VRK2: variants seen among roughly 807,000 people sequenced by gnomAD.
VRK2 encodes VRK serine/threonine kinase 2.
In VRK2, 60 loss-of-function variants were observed where a neutral mutation model predicts 57.6. The ratio of observed to expected loss-of-function variants is 1.04; its 90% confidence interval spans 0.85 to 1.29. The LOEUF (loss-of-function observed/expected upper bound fraction) is 1.29. VRK2 is among the 50% of genes most tolerant of loss of function. VRK2 has a pLI of 0.00. For missense variants in VRK2, 705 were observed against 588.1 expected (o/e 1.20, Z -2.06); for synonymous variants, 231 against 199.2 (o/e 1.16, Z -1.35).
intron 1 of VRK2, among the ~76,000 whole-genome samples, chr2:58,010,102 G>T (rs1673375439): frequency 6.6e-6 from 1 of 152,060 alleles, no homozygotes; most frequent in Admixed American, 6.6e-5. Flanking sequence ...TCCACTACCT[G>T]GCTCCTTTAC....
chr2:58,130,991 G>A (rs1411166437), intron 8 of VRK2, among the ~76,000 whole-genome samples: 1 of 151,772 alleles, frequency 6.6e-6, no homozygotes, highest in African/African-American at 2.4e-5. Context: ...TATGAAATTA[G>A]ACTACAGCAT....
rs916692907 is a variant in VRK2, at chr2:57,926,905, T to C, written c.-439+19066T>C. Among the ~76,000 whole-genome samples the C allele has an allele frequency of 2.6e-5, 4 of 151,936 alleles. No individual in the cohort carries two copies. The South Asian group carries it at 8.3e-4, about 32-fold the overall frequency. ...GACTTAATCCTACCATTTTGTTATT[T>C]GTTTTCCAGTTGTTTTGTAGACTTC... On this transcript the variant is annotated intron_variant, in intron 1 of 15. Transcript: ENST00000417641.
intron 3 of VRK2, among the ~76,000 whole-genome samples, chr2:58,034,904 C>T (rs1395165902): frequency 6.6e-6 from 1 of 151,930 alleles, no homozygotes; most frequent in African/African-American, 2.4e-5. Flanking sequence ...AGGTCATTGC[C>T]CCATGAGGAC....
At chr2:57,931,500 T>C (rs1670722788) in intron 1 of VRK2, among the ~76,000 whole-genome samples, 1 of 152,216 alleles carries the variant, frequency 6.6e-6, no homozygotes. Flanking sequence ...ATGAGTTCTC[T>C]AGATATTCTG....
intron 1 of VRK2, among the ~76,000 whole-genome samples, chr2:58,020,954 A>C (rs1166725651): frequency 6.6e-6 from 1 of 152,168 alleles, no homozygotes; most frequent in Non-Finnish European, 1.5e-5. Context: ...TAAGTTTTTG[A>C]TGTTTTAAAA....
At chr2:57,993,778 A>C (rs1170710468) in intron 1 of VRK2, among the ~76,000 whole-genome samples, 1 of 152,206 alleles carries the variant, frequency 6.6e-6, no homozygotes, top group East Asian at 1.9e-4. Flanking sequence ...TTATGGCACT[A>C]GCAGCTCTTT....
At chr2:57,958,447 T>A (rs570654974) in intron 1 of VRK2, among the ~76,000 whole-genome samples, 3 of 142,006 alleles carry the variant, frequency 2.1e-5, no homozygotes, top group East Asian at 3.9e-4. Flanking sequence ...GTATATATAT[T>A]TGTATATATA....
chr2:58,034,071 T>C (rs1674199403), intron 3 of VRK2, among the ~76,000 whole-genome samples: 2 of 152,064 alleles, frequency 1.3e-5, no homozygotes, highest in East Asian at 1.9e-4. Flanking sequence ...TAGTAACTAC[T>C]TGCCACCTCT....
At position 58,131,740 on chromosome 2, in the gene VRK2, C is replaced by T. The variant is rs1679218179; in HGVS notation, c.677-68C>T. 7.4e-6 allele frequency: 11 copies of T among 1,481,346 alleles called. 1 individual carries two copies. Among genetic ancestry groups the T allele is most frequent in the Non-Finnish European group, 9.9e-6 (11 of 1,114,210 alleles). The allele number at this position is 1,481,346 out of a possible 1,614,324, so 91.8% of individuals were successfully genotyped here. Reference sequence around the variant, plus strand: ...CATATTTCATCAGTAGTAGTTCAACCAAAGATTTCTCCATTTCTCAAGGAC... The same window carrying T: ...CATATTTCATCAGTAGTAGTTCAACTAAAGATTTCTCCATTTCTCAAGGAC... On this transcript the variant is annotated intron_variant, in intron 8 of 12. Coordinates refer to ENST00000340157, the MANE Select transcript of VRK2 (RefSeq NM_006296.7).
At chr2:57,979,597 A>G (rs1216815451) in intron 1 of VRK2, among the ~76,000 whole-genome samples, 2 of 145,050 alleles carry the variant, frequency 1.4e-5, no homozygotes, top group African/African-American at 5.8e-5. Context: ...TTTTTGGAAT[A>G]ATTTAACCCC....
At chr2:58,137,147 A>G (rs1280559711) in intron 10 of VRK2, among the ~76,000 whole-genome samples, 5 of 37,306 alleles carry the variant, frequency 1.3e-4, no homozygotes, top group African/African-American at 1.6e-4. Context: ...TATCATATAT[A>G]TCATGTGTTT....
chr2:58,087,476 T>C (rs1056485148), intron 5 of VRK2, among the ~76,000 whole-genome samples: 3 of 152,142 alleles, frequency 2.0e-5, no homozygotes, highest in South Asian at 2.1e-4. Flanking sequence ...AAAATACTTA[T>C]AATATGATCA....
intron 1 of VRK2, among the ~76,000 whole-genome samples, chr2:57,916,521 C>T (rs1254041443): frequency 2.6e-5 from 4 of 151,694 alleles, no homozygotes; most frequent in African/African-American, 2.4e-5. Flanking sequence ...TTCACTATAT[C>T]GACCCACCCT....
chr2:58,026,330 G>A (rs572286731), intron 2 of VRK2, among the ~76,000 whole-genome samples: 9 of 152,128 alleles, frequency 5.9e-5, no homozygotes, highest in African/African-American at 1.9e-4. Context: ...AAGAGAAAGT[G>A]AGGGAATGAG....
intron 1 of VRK2, among the ~76,000 whole-genome samples, chr2:57,969,138 A>G (rs1420565823): frequency 6.6e-6 from 1 of 152,106 alleles, no homozygotes; most frequent in Non-Finnish European, 1.5e-5. Context: ...ATGGACCTAA[A>G]AAGAAAACAT....
intron 7 of VRK2, among the ~76,000 whole-genome samples, chr2:58,116,235 G>C (rs879169106): frequency 6.6e-6 from 1 of 152,060 alleles, no homozygotes. Context: ...GGTCGCCAAG[G>C]AGGGAGTAGA....
At chr2:58,142,485 C>T (rs995787894) in intron 11 of VRK2, among the ~76,000 whole-genome samples, 1 of 151,534 alleles carries the variant, frequency 6.6e-6, no homozygotes, top group Non-Finnish European at 1.5e-5. Context: ...AAAAACAAAT[C>T]TTTTGGGGTA....
chr2:57,973,964 G>A (rs1672171430), intron 1 of VRK2, among the ~76,000 whole-genome samples: 1 of 151,820 alleles, frequency 6.6e-6, no homozygotes, highest in Non-Finnish European at 1.5e-5. Context: ...AAGATGAGAA[G>A]GAGGTAGAGA....
chr2:57,945,752 A>G (rs1671243517), intron 1 of VRK2, among the ~76,000 whole-genome samples: 1 of 152,184 alleles, frequency 6.6e-6, no homozygotes, highest in Non-Finnish European at 1.5e-5. Flanking sequence ...AATGGGCAGG[A>G]ATGTCTAATT....
Sources: gnomAD v4.1 joint callset for allele counts (sites outside exome capture counted in the v4.1 genomes callset) on GRCh38, gnomAD v4.1.1 for gene constraint, MANE v1.5 for transcripts, NCBI Gene and HGNC (gene_info 2026-07-23, HGNC 2026-07-21) for gene names.